DYNC1I1: variants seen among roughly 807,000 people sequenced by gnomAD.
DYNC1I1 encodes dynein cytoplasmic 1 intermediate chain 1.
In DYNC1I1, 43 loss-of-function variants were observed where a neutral mutation model predicts 86.6. The ratio of observed to expected loss-of-function variants is 0.50; its 90% CI spans 0.39 to 0.64. The LOEUF (loss-of-function observed/expected upper bound fraction) is 0.64, where lower values mean the gene tolerates loss of function less well. Ranked by LOEUF, DYNC1I1 falls within the 30% of genes least tolerant of loss-of-function variation. The pLI is 0.00. For synonymous variants in DYNC1I1, 262 were observed against 283.7 expected (o/e 0.92, Z 0.77); for missense variants, 604 against 788.8 (o/e 0.77, Z 2.81).
chr7:96,009,130 G>A (rs181685789), intron 10 of DYNC1I1, among the ~76,000 whole-genome samples: 1,737 of 152,292 alleles, frequency 0.011, 16 homozygotes, highest in Non-Finnish European at 0.019. Context: ...TATTAACAGA[G>A]TAAAACATAT....
chr7:95,851,738 C>T (rs1789585154), intron 5 of DYNC1I1, among the ~76,000 whole-genome samples: 1 of 152,142 alleles, frequency 6.6e-6, no homozygotes, highest in Non-Finnish European at 1.5e-5. Context: ...GATCTCGGCT[C>T]ACTGCAACCT....
Position 95,846,667 on chromosome 7 carries a change from G to GTGAC in DYNC1I1, c.374+18551_374+18552insTGAC, listed in dbSNP as rs55863510. On this transcript the variant is annotated intron_variant, in intron 5 of 16. Transcript: ENST00000447467. ...TGTGTGTGTGTGTGTGTGTGTGTGTGACGAAGGGGGCCACAAGGCCAGGTT... is the reference window on the plus strand; with the variant it reads ...TGTGTGTGTGTGTGTGTGTGTGTGTGTGACACGAAGGGGGCCACAAGGCCAGGTT... Among the ~76,000 whole-genome samples, 5 of 150,676 alleles carry GTGAC rather than the reference G, an allele frequency of 3.3e-5. No homozygotes were observed. In the East Asian group the frequency reaches 9.8e-4, roughly 29 times the overall value.
At chr7:95,941,649 G>A (rs779146782) in intron 6 of DYNC1I1, among the ~76,000 whole-genome samples, 33 of 152,292 alleles carry the variant, frequency 2.2e-4, no homozygotes, top group Middle Eastern at 3.4e-3. Flanking sequence ...TTTTAAGCCC[G>A]TTGGAAAAGC....
intron 14 of DYNC1I1, among the ~76,000 whole-genome samples, chr7:96,062,757 T>C (rs1361861258): frequency 6.6e-6 from 1 of 152,212 alleles, no homozygotes; most frequent in African/African-American, 2.4e-5. Flanking sequence ...TCTCACCCTG[T>C]AGCCACCATT....
chr7:96,003,419 C>T (rs185878022), intron 10 of DYNC1I1, among the ~76,000 whole-genome samples: 28 of 152,306 alleles, frequency 1.8e-4, no homozygotes, highest in Admixed American at 1.6e-3. Flanking sequence ...ATGGGGCTGA[C>T]CAATGTTTTC....
intron 14 of DYNC1I1, among the ~76,000 whole-genome samples, chr7:96,052,769 C>T (rs149743988): frequency 1.6e-3 from 240 of 152,128 alleles, no homozygotes; most frequent in African/African-American, 5.6e-3. Context: ...GATCAGATGA[C>T]AAAAGGCAAA....
intron 1 of DYNC1I1, among the ~76,000 whole-genome samples, chr7:95,783,763 A>G (rs934815564): frequency 6.6e-6 from 1 of 152,214 alleles, no homozygotes; most frequent in Non-Finnish European, 1.5e-5. Flanking sequence ...AAGAGGTAGT[A>G]TAAAAGCATG....
intron 10 of DYNC1I1, among the ~76,000 whole-genome samples, chr7:96,009,678 T>A (rs982855865): frequency 2.6e-5 from 4 of 152,144 alleles, no homozygotes; most frequent in African/African-American, 9.7e-5. Context: ...TATTCATGCC[T>A]TCTACACTGT....
intron 6 of DYNC1I1, among the ~76,000 whole-genome samples, chr7:95,905,962 T>G (rs1486826395): frequency 6.6e-6 from 1 of 152,170 alleles, no homozygotes; most frequent in Non-Finnish European, 1.5e-5. Flanking sequence ...CCAATTGGCT[T>G]GGATGCTTCT....
At chr7:95,978,994 C>T (rs1237498715) in intron 7 of DYNC1I1, among the ~76,000 whole-genome samples, 5 of 152,258 alleles carry the variant, frequency 3.3e-5, no homozygotes, top group African/African-American at 9.6e-5. Context: ...CGGGGTTTCA[C>T]CATACTGGCC....
rs764497776 is a variant in DYNC1I1, at chr7:95,902,141, G to A, written c.490+32143G>A. On this transcript the variant is annotated intron_variant, in intron 6 of 16. Coordinates refer to ENST00000447467, the MANE Select transcript of DYNC1I1 (RefSeq NM_001135556.2). Reference sequence around the variant, plus strand: ...AAAGAAAGTTTGTGAAATTCAAGAGGCTGTCTTTTTCCTTTCCCAAAAAAT... The same window carrying A: ...AAAGAAAGTTTGTGAAATTCAAGAGACTGTCTTTTTCCTTTCCCAAAAAAT... 3.7e-4 allele frequency among the ~76,000 whole-genome samples: 56 copies of A among 152,168 alleles called. 1 individual carries two copies. The highest frequency in any genetic ancestry group is 6.5e-4 in the Non-Finnish European group (44 of 68,032).
chr7:95,928,741 G>A (rs781261262), intron 6 of DYNC1I1, among the ~76,000 whole-genome samples: 4 of 152,094 alleles, frequency 2.6e-5, no homozygotes, highest in Non-Finnish European at 5.9e-5. Flanking sequence ...TGGCTAATAC[G>A]GCCATGGGCA....
intron 14 of DYNC1I1, among the ~76,000 whole-genome samples, chr7:96,058,800 A>ATTTTTTTTTTT (rs35348142): frequency 2.0e-5 from 2 of 98,746 alleles, no homozygotes; most frequent in African/African-American, 4.3e-5. Flanking sequence ...TGCCTGGCTA[A>ATTTTTTTTTTT]TTTTTTTTTT....
chr7:95,800,811 C>A (rs1429506093), intron 1 of DYNC1I1, among the ~76,000 whole-genome samples: 1 of 152,222 alleles, frequency 6.6e-6, no homozygotes, highest in Non-Finnish European at 1.5e-5. Flanking sequence ...TTTTCTTAGA[C>A]TGAGAGCATC....
chr7:96,096,282 G>A (rs1221339796), intron 16 of DYNC1I1, among the ~76,000 whole-genome samples: 1 of 152,018 alleles, frequency 6.6e-6, no homozygotes, highest in African/African-American at 2.4e-5. Context: ...AGCTGTAGAA[G>A]CAATCTCAAA....
At chr7:95,887,279 T>C (rs1253496224) in intron 6 of DYNC1I1, among the ~76,000 whole-genome samples, 2 of 152,172 alleles carry the variant, frequency 1.3e-5, no homozygotes, top group East Asian at 1.9e-4. Context: ...ACAGCCGGGA[T>C]TGAGAAGATC....
intron 10 of DYNC1I1, among the ~76,000 whole-genome samples, chr7:96,002,604 G>C (rs562341760): frequency 2.6e-5 from 4 of 152,232 alleles, no homozygotes; most frequent in African/African-American, 9.6e-5. Flanking sequence ...GAATATACAA[G>C]AATGAAATTC....
chr7:95,980,536 CTTT>C (rs56835338), intron 7 of DYNC1I1, among the ~76,000 whole-genome samples: 46 of 54,436 alleles, frequency 8.5e-4, no homozygotes, highest in African/African-American at 3.5e-3. Context: ...AGAAATCTGG[CTTT>C]TTTTTTTTTT....
chr7:96,081,872 T>G (rs1421144496), intron 16 of DYNC1I1, among the ~76,000 whole-genome samples: 1 of 151,914 alleles, frequency 6.6e-6, no homozygotes, highest in Non-Finnish European at 1.5e-5. Context: ...ACCGAATGAC[T>G]TTAGAAATGG....
Sources: gnomAD v4.1 joint callset for allele counts (sites outside exome capture counted in the v4.1 genomes callset) on GRCh38, gnomAD v4.1.1 for gene constraint, MANE v1.5 for transcripts, NCBI Gene and HGNC (gene_info 2026-07-23, HGNC 2026-07-21) for gene names.